The following PPP2R2A variants were observed in gnomAD, a reference collection of about 807,000 sequenced individuals.
PPP2R2A encodes the protein serine/threonine-protein phosphatase 2A 55 kDa regulatory subunit B alpha isoform.
In PPP2R2A, 9 loss-of-function variants were observed where a neutral mutation model predicts 53.2. That is an observed-to-expected ratio of 0.17 (90% CI 0.10 to 0.30). The LOEUF (loss-of-function observed/expected upper bound fraction) is 0.30. Ranked by LOEUF, PPP2R2A falls within the 10% of genes least tolerant of loss-of-function variation. The probability of loss-of-function intolerance (pLI) is 1.00; values close to 1 mark genes in which losing one functional copy is unlikely to be tolerated. For synonymous variants in PPP2R2A, 169 were observed against 174.2 expected (o/e 0.97, Z 0.23); for missense variants, 235 against 534.6 (o/e 0.44, Z 5.53).
intron 9 of PPP2R2A, among the ~76,000 whole-genome samples, chr8:26,368,892 G>A (rs1206378165): frequency 1.3e-5 from 2 of 152,030 alleles, no homozygotes; most frequent in South Asian, 2.1e-4. Flanking sequence ...GGATCATGAG[G>A]TCAGGAGATT....
chr8:26,345,537 T>C (rs983018693), intron 3 of PPP2R2A, among the ~76,000 whole-genome samples: 17 of 152,212 alleles, frequency 1.1e-4, no homozygotes, highest in African/African-American at 3.9e-4. Flanking sequence ...TCACATACTG[T>C]ATAGTGAATA....
At chr8:26,323,498 T>C (rs952137232) in intron 2 of PPP2R2A, among the ~76,000 whole-genome samples, 2 of 152,240 alleles carry the variant, frequency 1.3e-5, no homozygotes, top group African/African-American at 4.8e-5. Flanking sequence ...GTTGTTTACC[T>C]GTGCCTCTGA....
chr8:26,352,973 C>G (rs1248767162), intron 3 of PPP2R2A, among the ~76,000 whole-genome samples: 2 of 152,134 alleles, frequency 1.3e-5, no homozygotes, highest in Non-Finnish European at 2.9e-5. Flanking sequence ...ATTATAGTCT[C>G]TTTAAGTGTT....
intron 2 of PPP2R2A, among the ~76,000 whole-genome samples, chr8:26,333,767 T>G (rs1452264039): frequency 6.6e-6 from 1 of 152,168 alleles, no homozygotes; most frequent in Non-Finnish European, 1.5e-5. Context: ...TAGGTGGCAA[T>G]AAGGAAACGG....
intron 3 of PPP2R2A, among the ~76,000 whole-genome samples, chr8:26,340,586 ATTGTCAATTCTAAAATACAAGT>A (rs1365953525): frequency 3.3e-5 from 5 of 152,122 alleles, no homozygotes; most frequent in African/African-American, 1.2e-4. Context: ...GCATTGTGTC[ATTGTCAATTCTAAAATACAAGT>A]TTGTCAATTA....
chr8:26,351,953 G>A (rs1254866426), intron 3 of PPP2R2A, among the ~76,000 whole-genome samples: 2 of 152,232 alleles, frequency 1.3e-5, no homozygotes, highest in East Asian at 3.8e-4. Context: ...TGCTTTGAAA[G>A]TCTTTATTGA....
intron 3 of PPP2R2A, among the ~76,000 whole-genome samples, chr8:26,343,616 C>T (rs577194447): frequency 2.0e-5 from 3 of 152,196 alleles, no homozygotes; most frequent in African/African-American, 7.2e-5. Context: ...ATGATCCACC[C>T]GTCTCGTGAT....
At chr8:26,319,832 T>C (rs1267143779) in intron 2 of PPP2R2A, among the ~76,000 whole-genome samples, 4 of 152,232 alleles carry the variant, frequency 2.6e-5, no homozygotes, top group Non-Finnish European at 5.9e-5. Flanking sequence ...CTTTAATTTA[T>C]TTTAGCAGTG....
chr8:26,345,517 A>AT (rs896432521), intron 3 of PPP2R2A, among the ~76,000 whole-genome samples: 2 of 151,844 alleles, frequency 1.3e-5, no homozygotes, highest in African/African-American at 4.8e-5. Flanking sequence ...GGGTTGTATG[A>AT]TTTTTTTTCT....
intron 2 of PPP2R2A, among the ~76,000 whole-genome samples, chr8:26,330,637 C>T (rs1803322141): frequency 6.6e-6 from 1 of 152,108 alleles, no homozygotes; most frequent in African/African-American, 2.4e-5. Context: ...TATTCTTGAT[C>T]ATATGGAGCA....
intron 2 of PPP2R2A, among the ~76,000 whole-genome samples, chr8:26,296,581 T>C (rs1187981666): frequency 6.6e-6 from 1 of 152,248 alleles, no homozygotes; most frequent in Non-Finnish European, 1.5e-5. Context: ...TACGTAGATA[T>C]CATATGGTAC....
In PPP2R2A at chr8:26,363,312, C is replaced by T. The variant is rs148199669; in HGVS notation, c.803-409C>T. 3.9e-3 allele frequency: 642 copies of T among 163,046 alleles called. 1 individual carries two copies. Among genetic ancestry groups the T allele is most frequent in the Non-Finnish European group, 6.6e-3 (502 of 76,060 alleles). 10.1% of individuals were successfully genotyped at this position (163,046 alleles called of 1,614,324 possible). On this transcript the variant is annotated intron_variant, in intron 7 of 9. Coordinates refer to ENST00000380737, the MANE Select transcript of PPP2R2A (RefSeq NM_002717.4). ...ATGAAAATTGATACATGCCTGTTAC[C>T]AAAATAATTTTACCTGGCTACTAGA...
intron 2 of PPP2R2A, among the ~76,000 whole-genome samples, chr8:26,311,248 T>C (rs903973928): frequency 6.6e-6 from 1 of 152,224 alleles, no homozygotes; most frequent in African/African-American, 2.4e-5. Flanking sequence ...TTTTTCTATC[T>C]GATACCCAAT....
At chr8:26,308,046 A>T (rs1802102309) in intron 2 of PPP2R2A, among the ~76,000 whole-genome samples, 1 of 152,266 alleles carries the variant, frequency 6.6e-6, no homozygotes, top group Non-Finnish European at 1.5e-5. Context: ...TTCCCAGAGC[A>T]TATAAAAGTT....
rs781151654 is a variant in PPP2R2A at position 26,362,971 on chromosome 8, G to A, written c.802+123G>A. On this transcript the variant is annotated intron_variant, in intron 7 of 9. Coordinates refer to ENST00000380737, the MANE Select transcript of PPP2R2A (RefSeq NM_002717.4). This position sits in a 1 kb window ranked among gnomAD's most constrained non-coding sequence, Gnocchi z 4.4. ...TAAACCCGTGTGTCCAGAGCCACTTGTACCCTTGGTAATCTGCCTACCTCC... is the reference window on the plus strand; with the variant it reads ...TAAACCCGTGTGTCCAGAGCCACTTATACCCTTGGTAATCTGCCTACCTCC... 3 of 872,262 alleles carry A rather than the reference G, an allele frequency of 3.4e-6. No individual in the cohort carries two copies. The highest frequency in any genetic ancestry group is 5.2e-6 in the Non-Finnish European group (3 of 578,902). The allele number at this position is 872,262 out of a possible 1,614,324, so 54.0% of individuals were successfully genotyped here.
intron 2 of PPP2R2A, among the ~76,000 whole-genome samples, chr8:26,301,455 C>T (rs1801782596): frequency 6.6e-6 from 1 of 151,840 alleles, no homozygotes; most frequent in African/African-American, 2.4e-5. Context: ...GCCCCAGCCT[C>T]CTGAGTAGCT....
At chr8:26,347,269 C>A (rs1186169743) in intron 3 of PPP2R2A, among the ~76,000 whole-genome samples, 2 of 151,550 alleles carry the variant, frequency 1.3e-5, no homozygotes, top group African/African-American at 2.4e-5. Context: ...GATTGAAATT[C>A]CATTTTGAGA....
chr8:26,364,000 TAGGCCTTTTCCCTC>T (rs1805245358), intron 8 of PPP2R2A, 110 bp downstream of exon 8: 1 of 985,248 alleles, frequency 1.0e-6, no homozygotes, highest in Admixed American at 2.9e-5. Flanking sequence ...TGTTCACCAT[TAGGCCTTTTCCCTC>T]AGAGATCTAT....
chr8:26,334,724 G>A (rs968340459), intron 2 of PPP2R2A, among the ~76,000 whole-genome samples: 1 of 151,870 alleles, frequency 6.6e-6, no homozygotes, highest in Admixed American at 6.6e-5. Flanking sequence ...CAGCCTGGGC[G>A]GCAGAGTAAG....
Sources: gnomAD v4.1 joint callset for allele counts (sites outside exome capture counted in the v4.1 genomes callset) on GRCh38, gnomAD v4.1.1 for gene constraint, Gnocchi (gnomAD v3.1) non-coding constraint, MANE v1.5 for transcripts, NCBI Gene and HGNC (gene_info 2026-07-23, HGNC 2026-07-21) for gene names.